The following TMEM50B variants were observed in gnomAD, a reference collection of about 807,000 sequenced individuals.
TMEM50B encodes the protein HCV p7-trans-regulated protein 3.
In TMEM50B, 14 loss-of-function variants were observed where a neutral mutation model predicts 23.4. The ratio of observed to expected loss-of-function variants is 0.60; its 90% CI spans 0.39 to 0.93. TMEM50B has a LOEUF of 0.93. TMEM50B is among the 40% of genes least tolerant of loss of function. The pLI is 0.00. For synonymous variants in TMEM50B, 64 were observed against 62.3 expected (o/e 1.03, Z -0.13); for missense variants, 159 against 193.0 (o/e 0.82, Z 1.04).
chr21:33,470,447 A>AAAAAAAAC (rs2084303630), intron 1 of TMEM50B, among the ~76,000 whole-genome samples: 4 of 147,826 alleles, frequency 2.7e-5, no homozygotes, highest in South Asian at 2.2e-4. Context: ...AAAAAAAAAA[A>AAAAAAAAC]TCGGCTAGGC....
chr21:33,437,125 G>A (rs1264537174), intron 8 of TMEM50B: 5 of 575,454 alleles, frequency 8.7e-6, no homozygotes, highest in African/African-American at 3.8e-5. Context: ...GGGGTGACAA[G>A]CTTTTTTTTT....
chr21:33,460,393 CAAG>C lies in TMEM50B; in HGVS notation c.373+17_373+19del, dbSNP rs777382956. On this transcript the variant is annotated intron_variant, in intron 5 of 6. Coordinates refer to ENST00000542230, the MANE Select transcript of TMEM50B (RefSeq NM_006134.7). ...ATATCTGAATCTCTCCTATAAAATA[CAAG>C]AAGAATATATACTTACTTTGGGTAA... 52 of 1,469,764 alleles carry C rather than the reference CAAG, an allele frequency of 3.5e-5. No individual in the cohort carries two copies. In the East Asian group the frequency reaches 1.0e-3, roughly 28 times the overall value. 91.0% of individuals were successfully genotyped at this position (1,469,764 alleles called of 1,614,324 possible). A position where few individuals can be genotyped will look rare whatever the true frequency, so the allele number is the denominator to read the frequency against.
intron 8 of TMEM50B, chr21:33,432,853 C>A: frequency 6.2e-7 from 1 of 1,613,076 alleles, no homozygotes; most frequent in Non-Finnish European, 8.5e-7. Flanking sequence ...CACCAAGCAT[C>A]CCATTACAGA....
intron 3 of TMEM50B, 29 bp downstream of exon 3, chr21:33,466,981 C>T: frequency 1.3e-6 from 2 of 1,582,330 alleles, no homozygotes; most frequent in Non-Finnish European, 1.7e-6. Context: ...GAAAAATCAC[C>T]TTGAATAGAG....
chr21:33,478,384 T>C (rs935640738), intron 1 of TMEM50B, among the ~76,000 whole-genome samples: 1 of 152,024 alleles, frequency 6.6e-6, no homozygotes, highest in African/African-American at 2.4e-5. Context: ...GTAAAATCCC[T>C]TTAACCCTAG....
At chr21:33,433,292 G>A (rs1222019428) in intron 8 of TMEM50B, among the ~76,000 whole-genome samples, 1 of 152,212 alleles carries the variant, frequency 6.6e-6, no homozygotes, top group East Asian at 1.9e-4. Context: ...GTTACAAATG[G>A]TATGGGGTTG....
intron 8 of TMEM50B, among the ~76,000 whole-genome samples, chr21:33,434,528 A>C (rs1242684203): frequency 1.3e-5 from 2 of 152,060 alleles, no homozygotes; most frequent in African/African-American, 4.8e-5. Flanking sequence ...TCTCAAAAAA[A>C]TAAAATAAAT....
At chr21:33,432,764 T>C (rs1232116172) in exon 9 of TMEM50B, 1 of 1,614,216 alleles carries the variant, frequency 6.2e-7, no homozygotes, top group African/African-American at 1.3e-5. Context: ...AACATTTTCG[T>C]TGCTGTCGGT....
Position 33,467,076 on chromosome 21 carries a change from GGA to G in TMEM50B, c.144_145del (p.Pro49Ter). On this transcript the variant is annotated frameshift_variant, in exon 3 of 7. Transcript: ENST00000542230. LOFTEE classifies it high-confidence loss of function. ...GGCATGGTTCAACTGTTCTGGCTTAGGATACACCACAGCTGCATCAATCATTA... is the reference window on the plus strand; with the variant it reads ...GGCATGGTTCAACTGTTCTGGCTTAGTACACCACAGCTGCATCAATCATTA... The G allele has an allele frequency of 6.2e-7, 1 of 1,614,206 alleles. No homozygotes were observed. Among genetic ancestry groups the G allele is most frequent in the Non-Finnish European group, 8.5e-7 (1 of 1,180,028 alleles).
intron 6 of TMEM50B, among the ~76,000 whole-genome samples, chr21:33,455,504 G>A (rs2084160860): frequency 6.6e-6 from 1 of 152,104 alleles, no homozygotes; most frequent in South Asian, 2.1e-4. Context: ...AATTCAAAGG[G>A]TAAAATATAT....
At chr21:33,466,865 C>T (rs370926281) in intron 3 of TMEM50B, 145 bp downstream of exon 3, 2 of 578,222 alleles carry the variant, frequency 3.5e-6, no homozygotes. Context: ...TAAAAAAAAT[C>T]GTAATAAAAT....
At chr21:33,466,566 C>T (rs748863672) in intron 3 of TMEM50B, among the ~76,000 whole-genome samples, 1 of 151,964 alleles carries the variant, frequency 6.6e-6, no homozygotes, top group South Asian at 2.1e-4. Context: ...TAAAAAAATG[C>T]AGAAACGTAA....
At chr21:33,461,868 C>G (rs1312706557) in intron 4 of TMEM50B, among the ~76,000 whole-genome samples, 1 of 150,768 alleles carries the variant, frequency 6.6e-6, no homozygotes, top group African/African-American at 2.4e-5. Flanking sequence ...ATACATTAAA[C>G]TTTCTAATAG....
At chr21:33,475,209 G>C (rs2084357248) in intron 1 of TMEM50B, among the ~76,000 whole-genome samples, 1 of 152,102 alleles carries the variant, frequency 6.6e-6, no homozygotes, top group Non-Finnish European at 1.5e-5. Flanking sequence ...TACAGGTGTT[G>C]AGCCACTGCG....
rs1311689864 is a variant in TMEM50B, at chr21:33,456,018, G to A, written c.374-234C>T. ...AATGAACTTACAAAGTTTTCTTTTA[G>A]TCAAAGTAATTGCTGGTTCTAGCTA... On this transcript the variant is annotated intron_variant, in intron 5 of 6. Coordinates refer to ENST00000542230, the MANE Select transcript of TMEM50B (RefSeq NM_006134.7). 5.8e-6 allele frequency: 4 copies of A among 689,216 alleles called. No homozygotes were observed. In the Admixed American group the frequency reaches 8.1e-5, roughly 14 times the overall value. The allele number at this position is 689,216 out of a possible 1,614,324, so 42.7% of individuals were successfully genotyped here.
chr21:33,479,071 C>G (rs889651920), intron 1 of TMEM50B: 8 of 301,560 alleles, frequency 2.7e-5, no homozygotes, highest in Non-Finnish European at 4.6e-5. Flanking sequence ...CAGCCTAGCC[C>G]GTCTCACTGC....
chr21:33,460,780 T>C (rs561586968), intron 4 of TMEM50B, among the ~76,000 whole-genome samples: 2 of 152,330 alleles, frequency 1.3e-5, no homozygotes, highest in East Asian at 3.9e-4. Flanking sequence ...CACTGTTGTA[T>C]ATATTACCAA....
At chr21:33,447,967 T>C (rs1400603271), downstream of TMEM50B, among the ~76,000 whole-genome samples, 2 of 152,164 alleles carry the variant, frequency 1.3e-5, no homozygotes, top group African/African-American at 4.8e-5. Context: ...TAAGAGTGGA[T>C]ACTAACATTA....
At chr21:33,444,328 G>A (rs576063460), downstream of TMEM50B, among the ~76,000 whole-genome samples, 7 of 152,254 alleles carry the variant, frequency 4.6e-5, no homozygotes, top group African/African-American at 7.2e-5. Flanking sequence ...TGAGCAGACC[G>A]CTTGAGCTCA....
Sources: gnomAD v4.1 joint callset for allele counts (sites outside exome capture counted in the v4.1 genomes callset) on GRCh38, gnomAD v4.1.1 for gene constraint, MANE v1.5 for transcripts, NCBI Gene and HGNC (gene_info 2026-07-23, HGNC 2026-07-21) for gene names.